THRB: variants seen among roughly 807,000 people sequenced by gnomAD.
The protein encoded by THRB is nuclear receptor subfamily 1 group A member 2.
A neutral mutation model predicts 47.8 loss-of-function variants in THRB; 12 were observed. The observed-to-expected ratio is 0.25, with a 90% CI of 0.16 to 0.41. THRB has a LOEUF of 0.41. THRB is among the 10% of genes least tolerant of loss of function. THRB has a pLI of 1.00. For missense variants in THRB, 348 were observed against 589.2 expected, an observed-to-expected ratio of 0.59 and a Z score of 4.24; for synonymous variants, 218 against 212.2, an observed-to-expected ratio of 1.03 and a Z score of -0.24.
intron 2 of THRB, among the ~76,000 whole-genome samples, chr3:24,301,069 G>T (rs73039691): frequency 0.24 from 36,901 of 152,062 alleles, 5,085 homozygotes; most frequent in Admixed American, 0.37. Context: ...GGTAAAGATG[G>T]AGGCAGAGAC....
At chr3:24,332,385 T>G (rs2061982500) in intron 2 of THRB, among the ~76,000 whole-genome samples, 1 of 152,204 alleles carries the variant, frequency 6.6e-6, no homozygotes. Flanking sequence ...TAAACCTTTG[T>G]CTGTTTAAGT....
At position 24,316,028 on chromosome 3, in the gene THRB, T is replaced by C. The variant is rs144342778; in HGVS notation, c.-188-18657A>G. ...AAAGTGCTCCATGTGACAGCTCTTGTTTGCTCCTGAGGTGCCCAGCTATGA... is the reference window on the plus strand; with the variant it reads ...AAAGTGCTCCATGTGACAGCTCTTGCTTGCTCCTGAGGTGCCCAGCTATGA... On this transcript the variant is annotated intron_variant, in intron 2 of 10. Coordinates refer to ENST00000646209, the MANE Select transcript of THRB (RefSeq NM_001354712.2). 5.0e-3 allele frequency among the ~76,000 whole-genome samples: 762 copies of C among 152,332 alleles called. 7 individuals are homozygous for C. The highest frequency in any genetic ancestry group is 0.018 in the African/African-American group (742 of 41,562).
Position 24,119,137 on chromosome 3 carries a change from A to G in THRB, c.*3747T>C, listed in dbSNP as rs1477627550. The G allele has an allele frequency of 1.3e-5, 2 of 152,430 alleles. No homozygotes were observed. Among genetic ancestry groups the G allele is most frequent in the Non-Finnish European group, 2.9e-5 (2 of 67,990 alleles). The allele number at this position is 152,430 out of a possible 1,614,324, so 9.4% of individuals were successfully genotyped here. ...TACAATAAAATTTCTTCTCTATAAA[A>G]TTTAAATATGGATTATAGTCTATCA... On this transcript the variant is annotated 3_prime_UTR_variant, in exon 11 of 11. Transcript: ENST00000646209.
At chr3:24,140,106 T>C (rs2035241487) in intron 8 of THRB, among the ~76,000 whole-genome samples, 2 of 152,198 alleles carry the variant, frequency 1.3e-5, no homozygotes, top group Non-Finnish European at 2.9e-5. Context: ...AATTCACTAC[T>C]CAAAAGAGTG....
At position 24,122,523 on chromosome 3, in the gene THRB, C is replaced by T. The variant is rs111304854; in HGVS notation, c.*361G>A. 9.8e-3 allele frequency: 3,396 copies of T among 345,230 alleles called. 33 individuals carry two copies. Among genetic ancestry groups the T allele is most frequent in the Middle Eastern group, 0.029 (29 of 998 alleles). 21.4% of individuals were successfully genotyped at this position (345,230 alleles called of 1,614,324 possible). Reference sequence around the variant, plus strand: ...GATTGGGTGGAGGTGGTCGTATTATCTTGGTTTTAAGGCTTCTTTAGTGTC... The same window carrying T: ...GATTGGGTGGAGGTGGTCGTATTATTTTGGTTTTAAGGCTTCTTTAGTGTC... On this transcript the variant is annotated 3_prime_UTR_variant, in exon 11 of 11. Transcript: ENST00000646209.
intron 2 of THRB, among the ~76,000 whole-genome samples, chr3:24,315,737 T>G (rs866295317): frequency 6.6e-6 from 1 of 152,270 alleles, no homozygotes; most frequent in East Asian, 1.9e-4. Flanking sequence ...AGAACTTTAC[T>G]CTCCTCTCAA....
At chr3:24,213,352 TA>T (rs1471192280) in intron 4 of THRB, among the ~76,000 whole-genome samples, 1 of 152,208 alleles carries the variant, frequency 6.6e-6, no homozygotes, top group Non-Finnish European at 1.5e-5. Flanking sequence ...AGCACATTCT[TA>T]ATCTTGGAAA....
chr3:24,184,746 C>T lies in THRB; in HGVS notation c.283+5328G>A, dbSNP rs527610862. Among the ~76,000 whole-genome samples, 75 of 152,294 alleles carry T rather than the reference C, an allele frequency of 4.9e-4. 1 individual carries two copies. Among genetic ancestry groups the T allele is most frequent in the South Asian group, 1.9e-3 (9 of 4,820 alleles). On this transcript the variant is annotated intron_variant, in intron 5 of 10. Transcript: ENST00000646209. ...GAGGTATAAGAATCACTGGCACTCT[C>T]AGTTGGGACTGCAGATCCTGATGTA...
intron 3 of THRB, among the ~76,000 whole-genome samples, chr3:24,261,709 G>A (rs1464908418): frequency 1.3e-5 from 2 of 152,060 alleles, no homozygotes; most frequent in South Asian, 2.1e-4. Context: ...GCCAACCCAT[G>A]AGGCTCATAT....
At chr3:24,455,420 A>T (rs1383140804) in intron 1 of THRB, 3 of 152,050 alleles carry the variant, frequency 2.0e-5, no homozygotes, top group African/African-American at 2.4e-5. Context: ...GTCTTTGATT[A>T]TCTCAGGTTT....
intron 2 of THRB, among the ~76,000 whole-genome samples, chr3:24,318,088 T>C (rs2149266939): frequency 6.6e-6 from 1 of 152,294 alleles, no homozygotes; most frequent in South Asian, 2.1e-4. Context: ...GGAAGGGGCC[T>C]AATTTCATGC....
chr3:24,309,588 C>A (rs2057606070), intron 2 of THRB, among the ~76,000 whole-genome samples: 1 of 152,154 alleles, frequency 6.6e-6, no homozygotes, highest in East Asian at 1.9e-4. Flanking sequence ...TTGAACAAAT[C>A]AATACATAAA....
At chr3:24,355,654 T>C (rs2063627324) in intron 1 of THRB, among the ~76,000 whole-genome samples, 1 of 152,038 alleles carries the variant, frequency 6.6e-6, no homozygotes, top group African/African-American at 2.4e-5. Context: ...TTTTCTACAC[T>C]GTAATTCCTT....
chr3:24,241,885 A>G (rs2049551751), intron 3 of THRB, among the ~76,000 whole-genome samples: 1 of 152,098 alleles, frequency 6.6e-6, no homozygotes. Context: ...TGTGAGAACT[A>G]CTGCTTTATA....
intron 3 of THRB, among the ~76,000 whole-genome samples, chr3:24,272,378 A>ACAAC (rs2053440857): frequency 3.6e-5 from 4 of 109,830 alleles, no homozygotes; most frequent in African/African-American, 1.2e-4. Context: ...CAACAAACAA[A>ACAAC]AACAAACAAA....
At chr3:24,349,909 G>A (rs2063261766) in intron 1 of THRB, among the ~76,000 whole-genome samples, 1 of 151,946 alleles carries the variant, frequency 6.6e-6, no homozygotes, top group South Asian at 2.1e-4. Context: ...TTAAAATTAG[G>A]AACTTCTGTT....
intron 2 of THRB, among the ~76,000 whole-genome samples, chr3:24,305,375 A>G (rs1311334420): frequency 6.6e-6 from 1 of 152,192 alleles, no homozygotes; most frequent in Admixed American, 6.5e-5. Flanking sequence ...AAAAGGCTAC[A>G]GGTTGGGTAG....
intron 1 of THRB, among the ~76,000 whole-genome samples, chr3:24,417,655 G>A (rs564003350): frequency 6.6e-6 from 1 of 151,950 alleles, no homozygotes; most frequent in African/African-American, 2.4e-5. Context: ...GCTCTCATAA[G>A]AAAATGATTC....
chr3:24,421,529 T>C (rs2069261677), intron 1 of THRB, among the ~76,000 whole-genome samples: 1 of 151,880 alleles, frequency 6.6e-6, no homozygotes, highest in African/African-American at 2.4e-5. Flanking sequence ...CTTGTCTTTC[T>C]TTCCCTTATA....
Sources: gnomAD v4.1 joint callset for allele counts (sites outside exome capture counted in the v4.1 genomes callset) on GRCh38, gnomAD v4.1.1 for gene constraint, MANE v1.5 for transcripts, NCBI Gene and HGNC (gene_info 2026-07-23, HGNC 2026-07-21) for gene names.